TANC1: variants seen among roughly 807,000 people sequenced by gnomAD.
TANC1 encodes protein TANC1.
Under a neutral mutation model 149.7 loss-of-function variants are expected in TANC1, and 77 were observed. The ratio of observed to expected loss-of-function variants is 0.51; its 90% confidence interval spans 0.43 to 0.62. TANC1 has a LOEUF of 0.62. TANC1 is among the 20% of genes least tolerant of loss of function. The probability of loss-of-function intolerance (pLI) is 0.00; values close to 1 mark genes in which losing one functional copy is unlikely to be tolerated. For synonymous variants in TANC1, 854 were observed against 925.0 expected (o/e 0.92, Z 1.39); for missense variants, 1,985 against 2,321.8 (o/e 0.85, Z 2.98).
intron 2 of TANC1, among the ~76,000 whole-genome samples, chr2:159,021,077 C>T (rs186041277): frequency 7.0e-4 from 107 of 152,256 alleles, no homozygotes; most frequent in African/African-American, 2.3e-3. Flanking sequence ...GTCTTTTTGC[C>T]TCTGTGAGAT....
intron 1 of TANC1, among the ~76,000 whole-genome samples, chr2:158,971,692 A>C (rs1231827707): frequency 6.6e-6 from 1 of 152,166 alleles, no homozygotes; most frequent in African/African-American, 2.4e-5. Flanking sequence ...TTGCATCCCT[A>C]AAGTTCTGTG....
Position 159,163,535 on chromosome 2 carries a change from A to C in TANC1, c.935A>C (p.Asn312Thr), listed in dbSNP as rs1160964780. 6.2e-7 allele frequency: 1 copy of C among 1,611,918 alleles called. No individual in the cohort carries two copies. Among genetic ancestry groups the C allele is most frequent in the Admixed American group, 1.7e-5 (1 of 60,002 alleles). The change falls in exon 8 of 27, where the codon AAC becomes ACC. Residue 312 changes from asparagine (N) to threonine (T), a missense_variant. By Grantham distance (65) the Asn-to-Thr change is moderately conservative. Around this residue, in one of 3 missense-constraint regions of TANC1, gnomAD observed 557 missense variants for 612.9 expected, o/e 0.91. Coordinates refer to ENST00000263635, the MANE Select transcript of TANC1 (RefSeq NM_033394.3). The part of the protein sequence containing the change: ...GSSSLIMPRP[N>T]SVAATSSTKL... ...AGCTCACTAATAATGCCACGGCCCA[A>C]CTCAGTTGCAGGTAAGGCCACACCT...
chr2:159,155,779 A>T (rs2053364385), intron 7 of TANC1, among the ~76,000 whole-genome samples: 1 of 152,230 alleles, frequency 6.6e-6, no homozygotes, highest in East Asian at 1.9e-4. Context: ...CTTCGTAGAA[A>T]CACTTCTGCA....
At chr2:159,213,889 G>A (rs2059164979) in intron 19 of TANC1, among the ~76,000 whole-genome samples, 1 of 152,064 alleles carries the variant, frequency 6.6e-6, no homozygotes. Flanking sequence ...ACTTTGGGAG[G>A]CTAAGGTGGG....
chr2:159,173,293 A>T (rs1322506228), intron 11 of TANC1, among the ~76,000 whole-genome samples: 1 of 152,168 alleles, frequency 6.6e-6, no homozygotes. Context: ...TTATTTTTTA[A>T]AAAATTGTGG....
At chr2:159,125,588 T>TCCC (rs70994267) in intron 4 of TANC1, among the ~76,000 whole-genome samples, 13 of 126,592 alleles carry the variant, frequency 1.0e-4, no homozygotes, top group Non-Finnish European at 1.7e-4. Context: ...CCTCCCTCCC[T>TCCC]TCCTTCCTTC....
intron 19 of TANC1, among the ~76,000 whole-genome samples, chr2:159,202,496 G>A (rs745995369): frequency 2.0e-5 from 3 of 152,072 alleles, no homozygotes; most frequent in African/African-American, 7.2e-5. Flanking sequence ...GGACCATTTG[G>A]TTTTTGTCTG....
chr2:159,102,615 A>C (rs1251687576), intron 4 of TANC1, among the ~76,000 whole-genome samples: 3 of 125,628 alleles, frequency 2.4e-5, no homozygotes, highest in Non-Finnish European at 5.1e-5. Context: ...TTTTATCACG[A>C]GCAATTTCCA....
At chr2:159,124,134 G>C (rs2049141474) in intron 4 of TANC1, among the ~76,000 whole-genome samples, 3 of 152,106 alleles carry the variant, frequency 2.0e-5, no homozygotes, top group African/African-American at 7.2e-5. Flanking sequence ...GAGGCGGGCG[G>C]ATCATTTGAG....
intron 2 of TANC1, among the ~76,000 whole-genome samples, chr2:159,058,200 CT>C (rs1311861913): frequency 6.6e-6 from 1 of 152,210 alleles, no homozygotes; most frequent in East Asian, 1.9e-4. Context: ...TGTCTTTGCA[CT>C]TATCCCTTCT....
intron 9 of TANC1, among the ~76,000 whole-genome samples, chr2:159,169,938 A>C (rs1382475351): frequency 2.0e-5 from 3 of 151,692 alleles, no homozygotes; most frequent in African/African-American, 7.3e-5. Flanking sequence ...GGTTGCAGTG[A>C]GCTGAGATCG....
At chr2:159,182,028 A>G (rs1213584749) in intron 14 of TANC1, among the ~76,000 whole-genome samples, 2 of 151,946 alleles carry the variant, frequency 1.3e-5, no homozygotes, top group African/African-American at 2.4e-5. Flanking sequence ...TGGTGAACCC[A>G]GTCTCTACTA....
chr2:159,207,552 T>G (rs2150816227), intron 19 of TANC1, among the ~76,000 whole-genome samples: 1 of 151,856 alleles, frequency 6.6e-6, no homozygotes, highest in African/African-American at 2.4e-5. Context: ...ATACAAAAAC[T>G]AGCCAGGCGT....
intron 2 of TANC1, among the ~76,000 whole-genome samples, chr2:159,007,186 G>A (rs1469835750): frequency 3.7e-5 from 3 of 80,704 alleles, no homozygotes; most frequent in African/African-American, 1.4e-4. Flanking sequence ...TGCTCTTGTT[G>A]CCCAGGCTAC....
At chr2:159,129,649 T>G (rs1574856422) in intron 4 of TANC1, among the ~76,000 whole-genome samples, 1 of 152,118 alleles carries the variant, frequency 6.6e-6, no homozygotes, top group African/African-American at 2.4e-5. Context: ...CACTTTGTTG[T>G]TTTTAATTTT....
chr2:159,146,685 C>T (rs1403255378), intron 5 of TANC1, among the ~76,000 whole-genome samples: 1 of 152,018 alleles, frequency 6.6e-6, no homozygotes, highest in East Asian at 1.9e-4. Context: ...GGATTACAGG[C>T]ATCTGCCACT....
intron 4 of TANC1, among the ~76,000 whole-genome samples, chr2:159,125,120 G>A (rs1303693573): frequency 6.6e-6 from 1 of 152,098 alleles, no homozygotes; most frequent in Non-Finnish European, 1.5e-5. Context: ...TCCTCCTTGT[G>A]AGCTCACAAC....
chr2:158,974,137 C>A (rs905375026), intron 1 of TANC1, among the ~76,000 whole-genome samples: 1 of 152,180 alleles, frequency 6.6e-6, no homozygotes, highest in Non-Finnish European at 1.5e-5. Context: ...CATACAACAG[C>A]ATTCTGTGTT....
intron 19 of TANC1, among the ~76,000 whole-genome samples, chr2:159,206,410 C>G (rs2058609980): frequency 6.6e-6 from 1 of 152,186 alleles, no homozygotes; most frequent in African/African-American, 2.4e-5. Context: ...GACCACTCCT[C>G]TCTGCGAAGA....
Sources: allele counts gnomAD v4.1 joint callset (sites outside exome capture counted in the v4.1 genomes callset), GRCh38; gene constraint gnomAD v4.1.1; regional missense constraint gnomAD v4.1.1; transcripts MANE v1.5; gene names NCBI Gene and HGNC (gene_info 2026-07-23, HGNC 2026-07-21).